Variants in MYT1L observed in about 807,000 individuals in gnomAD.
MYT1L encodes the protein myelin transcription factor 1-like protein.
A neutral mutation model predicts 126.7 loss-of-function variants in MYT1L; 12 were observed. The ratio of observed to expected loss-of-function variants is 0.09; its 90% CI spans 0.06 to 0.15. MYT1L has a LOEUF of 0.15. Among genes scored for constraint, MYT1L ranks in the 10% least tolerant of loss-of-function variants. The pLI is 1.00. For missense variants in MYT1L, 979 were observed against 1,585.2 expected (o/e 0.62, Z 6.49); for synonymous variants, 541 against 604.2 (o/e 0.90, Z 1.53).
At chr2:1,796,164 T>C (rs1415368759) in intron 23 of MYT1L, among the ~76,000 whole-genome samples, 1 of 152,264 alleles carries the variant, frequency 6.6e-6, no homozygotes, top group Non-Finnish European at 1.5e-5. Context: ...GCTGTCACAC[T>C]GCAACACAGC....
intron 18 of MYT1L, among the ~76,000 whole-genome samples, chr2:1,880,758 T>G (rs937051047): frequency 2.6e-4 from 39 of 151,720 alleles, no homozygotes; most frequent in African/African-American, 9.5e-4. Context: ...ACCCATGGTC[T>G]GCGTTTTCTT....
At chr2:2,081,626 C>T (rs895910618) in intron 3 of MYT1L, among the ~76,000 whole-genome samples, 1 of 152,198 alleles carries the variant, frequency 6.6e-6, no homozygotes, top group African/African-American at 2.4e-5. Flanking sequence ...AAAATCTGTC[C>T]TGCTTCATTT....
intron 21 of MYT1L, among the ~76,000 whole-genome samples, chr2:1,834,428 C>T (rs764036511): frequency 8.5e-5 from 13 of 152,188 alleles, no homozygotes; most frequent in Non-Finnish European, 1.9e-4. Context: ...TAATATTCTG[C>T]CTATCTATTA....
intron 3 of MYT1L, among the ~76,000 whole-genome samples, chr2:2,083,736 T>A (rs1363509619): frequency 1.3e-5 from 2 of 152,028 alleles, no homozygotes; most frequent in Non-Finnish European, 2.9e-5. Context: ...ACCGGGGGAA[T>A]AAAAGAGCTT....
chr2:1,878,911 G>C lies in MYT1L; in HGVS notation c.2711+7628C>G, dbSNP rs994442317. Among the ~76,000 whole-genome samples the C allele has an allele frequency of 2.6e-5, 4 of 152,172 alleles. 1 individual carries two copies. Among genetic ancestry groups the C allele is most frequent in the Non-Finnish European group, 4.4e-5 (3 of 68,012 alleles). ...AACATGTAATCACCTGTAGAACCTA[G>C]GGACTTTTAAAATGTCATTAAATGG... On this transcript the variant is annotated intron_variant, in intron 18 of 24. Coordinates refer to ENST00000647738, the MANE Select transcript of MYT1L (RefSeq NM_001303052.2).
chr2:1,923,742 T>C (rs1488791474), intron 9 of MYT1L, among the ~76,000 whole-genome samples: 3 of 152,164 alleles, frequency 2.0e-5, no homozygotes, highest in Admixed American at 1.3e-4. Context: ...ATTTTCACAG[T>C]GGCGTGTAGG....
intron 3 of MYT1L, among the ~76,000 whole-genome samples, chr2:2,088,292 C>G (rs912782136): frequency 6.6e-6 from 1 of 152,210 alleles, no homozygotes; most frequent in Non-Finnish European, 1.5e-5. Flanking sequence ...GCAGCACTGG[C>G]ACCAGTGGGA....
intron 15 of MYT1L, 115 bp downstream of exon 15, chr2:1,891,922 A>G: frequency 7.0e-7 from 1 of 1,425,334 alleles, no homozygotes; most frequent in Non-Finnish European, 9.1e-7. Context: ...GGTTTAGGAG[A>G]TCACGGCGTT....
intron 1 of MYT1L, among the ~76,000 whole-genome samples, chr2:2,330,439 T>C (rs1212108129): frequency 1.3e-5 from 2 of 152,214 alleles, no homozygotes; most frequent in Admixed American, 1.3e-4. Context: ...AAAGACATAT[T>C]TCTGTTATAA....
chr2:2,288,466 G>A (rs778420529), intron 1 of MYT1L, among the ~76,000 whole-genome samples: 5 of 152,156 alleles, frequency 3.3e-5, no homozygotes, highest in Admixed American at 6.5e-5. Flanking sequence ...AGAGCAGGGC[G>A]TGCACCAGCC....
At chr2:1,849,790 A>G (rs915237383) in intron 19 of MYT1L, among the ~76,000 whole-genome samples, 1 of 152,248 alleles carries the variant, frequency 6.6e-6, no homozygotes, top group Non-Finnish European at 1.5e-5. Context: ...TGCTTTTCAT[A>G]GACACGTGCT....
chr2:2,205,685 A>G (rs1291312776), intron 2 of MYT1L, among the ~76,000 whole-genome samples: 1 of 152,168 alleles, frequency 6.6e-6, no homozygotes, highest in Non-Finnish European at 1.5e-5. Flanking sequence ...AAATGCCTTC[A>G]TCTAGGTAAC....
At position 1,789,702 on chromosome 2, in the gene MYT1L, G is replaced by C. The variant is rs2031698685; in HGVS notation, c.*2165C>G. ...GCATATGCTGTTATGAACAATGGGG[G>C]CCCTAAAGGCAGCTGGGGCCCTGGG... On this transcript the variant is annotated 3_prime_UTR_variant, in exon 25 of 25. Transcript: ENST00000647738. The C allele has an allele frequency of 6.6e-6, 1 of 152,156 alleles. No individual in the cohort carries two copies. Among genetic ancestry groups the C allele is most frequent in the African/African-American group, 2.4e-5 (1 of 41,430 alleles). 9.4% of individuals were successfully genotyped at this position (152,156 alleles called of 1,614,324 possible).
In MYT1L at chr2:1,797,349, G is replaced by A. The variant is rs187445815; in HGVS notation, c.3276+4347C>T. ...CGCCATTCTCCTGCCTCAGCCTCCC[G>A]AGTACCTGGGACTACAGGCGCCCGC... On this transcript the variant is annotated intron_variant, in intron 23 of 24. Transcript: ENST00000647738. 5.9e-5 allele frequency among the ~76,000 whole-genome samples: 9 copies of A among 152,212 alleles called. No individual in the cohort carries two copies. In the East Asian group the frequency reaches 1.5e-3, roughly 26 times the overall value.
At chr2:2,227,931 T>C (rs894578499) in intron 2 of MYT1L, among the ~76,000 whole-genome samples, 2 of 152,232 alleles carry the variant, frequency 1.3e-5, no homozygotes, top group Non-Finnish European at 2.9e-5. Flanking sequence ...GTGATTTACA[T>C]ATTAGCTTGT....
intron 3 of MYT1L, among the ~76,000 whole-genome samples, chr2:2,114,359 T>TG (rs1252068352): frequency 6.6e-6 from 1 of 152,256 alleles, no homozygotes; most frequent in Non-Finnish European, 1.5e-5. Context: ...TCGTTTGTTC[T>TG]GGGGAGTCCG....
chr2:2,101,274 T>C lies in MYT1L; in HGVS notation c.-303-47151A>G, dbSNP rs182993180. ...GATCTCACCAGCACTAACTCTTACGTGGTGAGGCATGAAACCTTCAGCATC... is the reference window on the plus strand; with the variant it reads ...GATCTCACCAGCACTAACTCTTACGCGGTGAGGCATGAAACCTTCAGCATC... On this transcript the variant is annotated intron_variant, in intron 3 of 24. Transcript: ENST00000647738. Among the ~76,000 whole-genome samples, 508 of 152,330 alleles carry C rather than the reference T, an allele frequency of 3.3e-3. 2 individuals carry two copies. The highest frequency in any genetic ancestry group is 5.3e-3 in the Non-Finnish European group (362 of 68,034).
chr2:2,166,727 G>T (rs1224683231), intron 3 of MYT1L, among the ~76,000 whole-genome samples: 1 of 152,150 alleles, frequency 6.6e-6, no homozygotes, highest in African/African-American at 2.4e-5. Context: ...AACAAATTAA[G>T]AAATGAATGA....
intron 4 of MYT1L, among the ~76,000 whole-genome samples, chr2:2,009,918 T>TTTTTC (rs552518279): frequency 9.4e-5 from 14 of 148,594 alleles, no homozygotes; most frequent in African/African-American, 1.7e-4. Context: ...TTTTTTTTTT[T>TTTTTC]CATGAAAGGG....
Sources: allele counts gnomAD v4.1 joint callset (sites outside exome capture counted in the v4.1 genomes callset), GRCh38; gene constraint gnomAD v4.1.1; transcripts MANE v1.5; gene names NCBI Gene and HGNC (gene_info 2026-07-23, HGNC 2026-07-21).